DLG2: variants seen among roughly 807,000 people sequenced by gnomAD.
The protein encoded by DLG2 is disks large homolog 2.
A neutral mutation model predicts 132.5 loss-of-function variants in DLG2; 45 were observed. The ratio of observed to expected loss-of-function variants is 0.34; its 90% CI spans 0.27 to 0.44. The LOEUF is 0.44. Ranked by LOEUF, DLG2 falls within the 20% of genes least tolerant of loss-of-function variation. The pLI is 1.00. For synonymous variants in DLG2, 424 were observed against 419.6 expected, an observed-to-expected ratio of 1.01 and a Z score of -0.13; for missense variants, 1,045 against 1,196.9, an observed-to-expected ratio of 0.87 and a Z score of 1.87.
In DLG2 at chr11:84,167,717, G is replaced by T. The variant is rs547307768; in HGVS notation, c.574-4206C>A. On this transcript the variant is annotated intron_variant, in intron 8 of 27. Coordinates refer to ENST00000376104, the MANE Select transcript of DLG2 (RefSeq NM_001142699.3). ...GTTTCAGTCTTGTCAACCAGGCTGGGGTACAGTGGTGCGATCTTGGCTCAC... is the reference window on the plus strand; with the variant it reads ...GTTTCAGTCTTGTCAACCAGGCTGGTGTACAGTGGTGCGATCTTGGCTCAC... Among the ~76,000 whole-genome samples the T allele has an allele frequency of 2.6e-5, 4 of 152,024 alleles. No individual in the cohort carries two copies. In the South Asian group the frequency reaches 8.3e-4, roughly 32 times the overall value.
chr11:84,920,643 T>C (rs1390639659), intron 6 of DLG2, among the ~76,000 whole-genome samples: 1 of 152,182 alleles, frequency 6.6e-6, no homozygotes, highest in Non-Finnish European at 1.5e-5. Flanking sequence ...ATCATAGATG[T>C]CATTCAAAAA....
intron 19 of DLG2, among the ~76,000 whole-genome samples, chr11:83,618,450 T>C (rs2153426905): frequency 6.6e-6 from 1 of 152,376 alleles, no homozygotes; most frequent in East Asian, 1.9e-4. Flanking sequence ...TTCTAATTTC[T>C]GAAATAGTTT....
intron 4 of DLG2, among the ~76,000 whole-genome samples, chr11:85,249,024 G>A (rs561547949): frequency 2.4e-4 from 36 of 152,014 alleles, no homozygotes; most frequent in African/African-American, 8.7e-4. Context: ...TACATCTAAG[G>A]ATTTTTTTTA....
At chr11:83,556,795 A>G (rs1448184398) in intron 19 of DLG2, among the ~76,000 whole-genome samples, 1 of 152,214 alleles carries the variant, frequency 6.6e-6, no homozygotes, top group Non-Finnish European at 1.5e-5. Context: ...TGAGAAACTC[A>G]GCCACATTAA....
chr11:83,463,569 A>G (rs1204004110), intron 26 of DLG2, among the ~76,000 whole-genome samples: 4 of 152,160 alleles, frequency 2.6e-5, no homozygotes. Context: ...CAGGTGGATC[A>G]CTTGTGCTCA....
chr11:85,389,869 T>C lies in DLG2; in HGVS notation c.41-104504A>G, dbSNP rs148643885. 8.7e-3 allele frequency among the ~76,000 whole-genome samples: 1,331 copies of C among 152,206 alleles called. 17 individuals are homozygous for C. The highest frequency in any genetic ancestry group is 0.03 in the African/African-American group (1,258 of 41,530). On this transcript the variant is annotated intron_variant, in intron 3 of 27. Coordinates refer to ENST00000376104, the MANE Select transcript of DLG2 (RefSeq NM_001142699.3). The stretch of plus-strand genomic sequence containing the variant: ...AAGAATTACTAAAAGGAGCTCTAAA[T>C]CTTGAAACAAATCCTTGAAATACAC...
intron 6 of DLG2, among the ~76,000 whole-genome samples, chr11:85,084,754 A>T (rs1181598720): frequency 6.6e-6 from 1 of 152,138 alleles, no homozygotes; most frequent in Non-Finnish European, 1.5e-5. Context: ...GTGATCACAA[A>T]TATATGAGAT....
intron 15 of DLG2, among the ~76,000 whole-genome samples, chr11:83,896,443 C>G (rs1029933734): frequency 3.9e-5 from 6 of 152,170 alleles, no homozygotes; most frequent in African/African-American, 9.7e-5. Flanking sequence ...CATAAAGATG[C>G]TCACTGTTAT....
At chr11:83,511,756 G>T (rs1183083347) in intron 21 of DLG2, among the ~76,000 whole-genome samples, 5 of 149,224 alleles carry the variant, frequency 3.4e-5, no homozygotes, top group Non-Finnish European at 5.9e-5. Context: ...AAGAGCCAGG[G>T]TCTCATTATG....
chr11:84,313,102 C>T (rs1187794064), intron 7 of DLG2, among the ~76,000 whole-genome samples: 1 of 151,834 alleles, frequency 6.6e-6, no homozygotes, highest in Admixed American at 6.6e-5. Context: ...AGTCACTGCA[C>T]CTGGCCAATT....
intron 6 of DLG2, among the ~76,000 whole-genome samples, chr11:84,553,856 C>A (rs538406021): frequency 1.3e-5 from 2 of 152,224 alleles, no homozygotes; most frequent in African/African-American, 4.8e-5. Context: ...TGTCAGGAAA[C>A]CTTGAAGAAT....
chr11:85,004,637 T>G (rs1287473910), intron 6 of DLG2, among the ~76,000 whole-genome samples: 1 of 152,236 alleles, frequency 6.6e-6, no homozygotes, highest in Non-Finnish European at 1.5e-5. Flanking sequence ...GATCGATAGA[T>G]TGCAAAACTT....
At chr11:84,075,684 A>G (rs149644030) in intron 10 of DLG2, among the ~76,000 whole-genome samples, 69 of 152,292 alleles carry the variant, frequency 4.5e-4, no homozygotes, top group African/African-American at 1.6e-3. Flanking sequence ...TCTAGGGTAG[A>G]TGATTAGTGA....
At chr11:85,540,956 C>T (rs1015088851) in intron 3 of DLG2, among the ~76,000 whole-genome samples, 2 of 152,334 alleles carry the variant, frequency 1.3e-5, no homozygotes, top group African/African-American at 2.4e-5. Context: ...TTTGTTACCA[C>T]CCTCTTTTCT....
At chr11:84,927,988 A>G (rs2047603616) in intron 6 of DLG2, among the ~76,000 whole-genome samples, 1 of 151,998 alleles carries the variant, frequency 6.6e-6, no homozygotes, top group Non-Finnish European at 1.5e-5. Flanking sequence ...AGGTTTGAGA[A>G]TCACTGCTCT....
chr11:85,333,920 T>C (rs945922625), intron 3 of DLG2, among the ~76,000 whole-genome samples: 1 of 152,082 alleles, frequency 6.6e-6, no homozygotes, highest in Non-Finnish European at 1.5e-5. Context: ...CTGACAGGTT[T>C]TGGTATCAGA....
At chr11:83,938,878 T>C (rs2082055898) in intron 14 of DLG2, among the ~76,000 whole-genome samples, 2 of 152,324 alleles carry the variant, frequency 1.3e-5, no homozygotes, top group South Asian at 4.1e-4. Context: ...TCTCTACAGC[T>C]TTCCCTTCAA....
intron 3 of DLG2, among the ~76,000 whole-genome samples, chr11:85,472,198 C>A (rs191934606): frequency 6.2e-4 from 94 of 152,292 alleles, no homozygotes; most frequent in Admixed American, 3.7e-3. Flanking sequence ...CACACACTCC[C>A]CATTCTGAGC....
chr11:84,132,489 C>T (rs546739925), intron 9 of DLG2, among the ~76,000 whole-genome samples: 1 of 151,986 alleles, frequency 6.6e-6, no homozygotes, highest in African/African-American at 2.4e-5. Flanking sequence ...AAGAAATGAG[C>T]ACAAAGATAA....
Sources: gnomAD v4.1 joint callset for allele counts (sites outside exome capture counted in the v4.1 genomes callset) on GRCh38, gnomAD v4.1.1 for gene constraint, MANE v1.5 for transcripts, NCBI Gene and HGNC (gene_info 2026-07-23, HGNC 2026-07-21) for gene names.